The following MICU1 variants were observed in gnomAD, a reference collection of about 807,000 sequenced individuals.
MICU1 encodes the protein mitochondrial calcium uptake 1, also known as calcium uptake protein 1, mitochondrial.
A neutral mutation model predicts 56.8 loss-of-function variants in MICU1; 45 were observed. The ratio of observed to expected loss-of-function variants is 0.79; its 90% confidence interval spans 0.62 to 1.02. MICU1 has a LOEUF of 1.02. Ranked by LOEUF, MICU1 falls within the 50% of genes least tolerant of loss-of-function variation. MICU1 has a pLI of 0.00. For missense variants in MICU1, 504 were observed against 587.1 expected (o/e 0.86, Z 1.46); for synonymous variants, 186 against 195.1 (o/e 0.95, Z 0.39).
intron 11 of MICU1, among the ~76,000 whole-genome samples, chr10:72,369,280 A>T (rs1415665376): frequency 6.7e-6 from 1 of 150,134 alleles, no homozygotes; most frequent in Non-Finnish European, 1.5e-5. Context: ...AGCCTGGGTG[A>T]CACAGTGAGA....
chr10:72,513,772 T>C (rs929796655), intron 5 of MICU1, among the ~76,000 whole-genome samples: 1 of 152,120 alleles, frequency 6.6e-6, no homozygotes, highest in African/African-American at 2.4e-5. Flanking sequence ...CGTGAATATC[T>C]AGTGGACCTT....
chr10:72,373,525 GC>G (rs906701960), intron 11 of MICU1, among the ~76,000 whole-genome samples: 2 of 152,046 alleles, frequency 1.3e-5, no homozygotes, highest in African/African-American at 4.8e-5. Context: ...AATAACAACG[GC>G]TTTTTGTTAA....
chr10:72,502,104 C>T (rs1011057928), intron 6 of MICU1, among the ~76,000 whole-genome samples: 6 of 150,318 alleles, frequency 4.0e-5, no homozygotes, highest in East Asian at 2.0e-4. Context: ...AAAATGATGG[C>T]GATTTCTTGA....
intron 8 of MICU1, among the ~76,000 whole-genome samples, chr10:72,433,182 C>G (rs1864599807): frequency 6.6e-6 from 1 of 151,932 alleles, no homozygotes; most frequent in Non-Finnish European, 1.5e-5. Flanking sequence ...TCAGGTCATC[C>G]TCCTGCCTTG....
chr10:72,421,997 A>G (rs1395116362), intron 9 of MICU1, among the ~76,000 whole-genome samples: 1 of 152,124 alleles, frequency 6.6e-6, no homozygotes, highest in Non-Finnish European at 1.5e-5. Context: ...TTCTTCACAC[A>G]TACCAGGTTT....
rs868338421 is a variant in MICU1 at position 72,508,167 on chromosome 10, TTG to T, written c.638_639del (p.Thr213AsnfsTer11). ...CGTTTATACTTACTGGAAAGAACAG[TTG>T]TGAGGAAAATGTAGTCTGAAAAGGA... ...LISFSDYIFL[T>X]TVLSTPQRNF... On this transcript the variant is annotated frameshift_variant, in exon 6 of 12. Transcript: ENST00000361114. LOFTEE classifies it high-confidence loss of function. 1.1e-5 allele frequency: 17 copies of T among 1,519,416 alleles called. No individual in the cohort carries two copies. The highest frequency in any genetic ancestry group is 1.5e-5 in the Non-Finnish European group (17 of 1,117,772). 94.1% of individuals were successfully genotyped at this position (1,519,416 alleles called of 1,614,324 possible).
chr10:72,435,375 G>C (rs1589216753), intron 8 of MICU1, among the ~76,000 whole-genome samples: 2 of 115,918 alleles, frequency 1.7e-5, no homozygotes, highest in African/African-American at 6.9e-5. Context: ...GCCAGAGTGA[G>C]ACCCTGTTAC....
At position 72,460,244 on chromosome 10, in the gene MICU1, C is replaced by A. The variant is rs368716646; in HGVS notation, c.933+14856G>T. ...AAAAGCACCATCTTTTTCCTTCCTTCTTTGCATTGGTTGCTCTATTTCCCT... is the reference window on the plus strand; with the variant it reads ...AAAAGCACCATCTTTTTCCTTCCTTATTTGCATTGGTTGCTCTATTTCCCT... On this transcript the variant is annotated intron_variant, in intron 8 of 11. Coordinates refer to ENST00000361114, the MANE Select transcript of MICU1 (RefSeq NM_001195518.2). 2.6e-5 allele frequency among the ~76,000 whole-genome samples: 4 copies of A among 152,270 alleles called. No homozygotes were observed. The East Asian group carries it at 5.8e-4, about 22-fold the overall frequency.
intron 1 of MICU1, among the ~76,000 whole-genome samples, chr10:72,588,118 T>C (rs1467614284): frequency 6.6e-6 from 1 of 152,074 alleles, no homozygotes; most frequent in Non-Finnish European, 1.5e-5. Context: ...AGTGAGTGAG[T>C]TCTCATGAGA....
intron 8 of MICU1, among the ~76,000 whole-genome samples, chr10:72,453,320 A>C (rs1324564555): frequency 1.3e-5 from 2 of 152,186 alleles, no homozygotes; most frequent in Non-Finnish European, 2.9e-5. Context: ...ATTCAAATCC[A>C]CAGTTAGCAC....
At chr10:72,377,265 G>A (rs1862555239) in intron 10 of MICU1, among the ~76,000 whole-genome samples, 1 of 152,014 alleles carries the variant, frequency 6.6e-6, no homozygotes, top group Non-Finnish European at 1.5e-5. Context: ...GACTACTGGT[G>A]CCTGCCATCA....
chr10:72,376,210 G>A (rs994048242), intron 10 of MICU1, among the ~76,000 whole-genome samples: 3 of 151,656 alleles, frequency 2.0e-5, no homozygotes, highest in Admixed American at 1.3e-4. Flanking sequence ...CCCGAGAGGC[G>A]GAGGTTGCAG....
At chr10:72,422,723 T>C (rs1864216469) in intron 9 of MICU1, among the ~76,000 whole-genome samples, 1 of 151,174 alleles carries the variant, frequency 6.6e-6, no homozygotes, top group Non-Finnish European at 1.5e-5. Flanking sequence ...ATTCTTTTTT[T>C]TTTTTGAGAT....
intron 10 of MICU1, among the ~76,000 whole-genome samples, chr10:72,389,007 G>A (rs374911050): frequency 1.3e-5 from 2 of 152,220 alleles, no homozygotes; most frequent in African/African-American, 2.4e-5. Context: ...GATTAAAAGC[G>A]ATAACATGCA....
At chr10:72,586,437 G>C (rs1337862294) in intron 1 of MICU1, among the ~76,000 whole-genome samples, 1 of 152,044 alleles carries the variant, frequency 6.6e-6, no homozygotes, top group Admixed American at 6.6e-5. Flanking sequence ...GATCACCTCA[G>C]GTCAGGAGTT....
At chr10:72,563,278 C>G (rs979548197) in intron 2 of MICU1, among the ~76,000 whole-genome samples, 1 of 152,170 alleles carries the variant, frequency 6.6e-6, no homozygotes, top group Non-Finnish European at 1.5e-5. Context: ...ATTTGCACAT[C>G]CATGTTCACA....
chr10:72,421,015 AAAAT>A (rs1328569026), intron 9 of MICU1, among the ~76,000 whole-genome samples: 59 of 141,202 alleles, frequency 4.2e-4, no homozygotes, highest in African/African-American at 1.5e-3. Context: ...AAAAAAAAAA[AAAAT>A]AATAATAATA....
chr10:72,431,595 G>A (rs932154920), intron 8 of MICU1, among the ~76,000 whole-genome samples: 46 of 152,208 alleles, frequency 3.0e-4, no homozygotes, highest in Non-Finnish European at 8.8e-5. Context: ...TGGAACTGCC[G>A]GCCTTTCAAG....
intron 10 of MICU1, among the ~76,000 whole-genome samples, chr10:72,392,648 G>A (rs1863117965): frequency 6.6e-6 from 1 of 152,182 alleles, no homozygotes; most frequent in Admixed American, 6.5e-5. Flanking sequence ...GTAAATGATG[G>A]AGACATTCAA....
Sources: gnomAD v4.1 joint callset for allele counts (sites outside exome capture counted in the v4.1 genomes callset) on GRCh38, gnomAD v4.1.1 for gene constraint, MANE v1.5 for transcripts, NCBI Gene and HGNC (gene_info 2026-07-23, HGNC 2026-07-21) for gene names.